Variants in SNRK observed in about 807,000 individuals in gnomAD.
SNRK encodes the protein SNF-related serine/threonine-protein kinase.
A neutral mutation model predicts 48.2 loss-of-function variants in SNRK; 3 were observed. That is an observed-to-expected ratio of 0.06 (90% CI 0.03 to 0.16). The LOEUF (loss-of-function observed/expected upper bound fraction) is 0.16. Ranked by LOEUF, SNRK falls within the 10% of genes least tolerant of loss-of-function variation. The pLI, the probability that SNRK is intolerant of heterozygous loss-of-function variation, is 1.00. For missense variants in SNRK, 627 were observed against 976.0 expected (o/e 0.64, Z 4.76); for synonymous variants, 376 against 366.1 (o/e 1.03, Z -0.31).
At chr3:43,297,590 T>TC (rs962280123) in intron 1 of SNRK, among the ~76,000 whole-genome samples, 5 of 151,888 alleles carry the variant, frequency 3.3e-5, no homozygotes, top group African/African-American at 7.3e-5. Flanking sequence ...TCAAAATTCC[T>TC]CCCCCCCTTT....
At chr3:43,299,698 A>G (rs2090884494) in intron 1 of SNRK, 56 bp from the exon 2 acceptor site, 1 of 152,674 alleles carries the variant, frequency 6.5e-6, no homozygotes, top group Non-Finnish European at 1.5e-5. Context: ...TTTGACTTTA[A>G]GCAAAATTCA....
intron 3 of SNRK, among the ~76,000 whole-genome samples, chr3:43,325,311 G>A (rs1294056835): frequency 6.6e-6 from 1 of 152,106 alleles, no homozygotes; most frequent in African/African-American, 2.4e-5. Flanking sequence ...GATTATAGGT[G>A]CCCGCCACCG....
At chr3:43,329,369 C>T (rs924788576) in intron 3 of SNRK, among the ~76,000 whole-genome samples, 4 of 151,364 alleles carry the variant, frequency 2.6e-5, no homozygotes, top group African/African-American at 9.7e-5. Flanking sequence ...ACCTGGGAGG[C>T]AGAGCTTACA....
intron 4 of SNRK, among the ~76,000 whole-genome samples, chr3:43,336,208 TTCCC>T (rs1245820366): frequency 6.6e-6 from 1 of 151,362 alleles, no homozygotes; most frequent in African/African-American, 2.4e-5. Flanking sequence ...TCTTTCTTTC[TTCCC>T]TCCCTCCCTT....
intron 3 of SNRK, among the ~76,000 whole-genome samples, chr3:43,328,250 A>C (rs2091110760): frequency 6.6e-6 from 1 of 151,244 alleles, no homozygotes; most frequent in Non-Finnish European, 1.5e-5. Flanking sequence ...CAGTCTTAGG[A>C]TCTCAAGCTG....
At chr3:43,345,616 G>A (rs1196882170) in intron 6 of SNRK, among the ~76,000 whole-genome samples, 2 of 152,158 alleles carry the variant, frequency 1.3e-5, no homozygotes, top group African/African-American at 4.8e-5. Flanking sequence ...GGAGTCCAGG[G>A]GCAGGGTCCT....
rs181222701 is a variant in SNRK, at chr3:43,321,661, G to A, written c.590-10508G>A. ...CAAGTGCCCTGACTGATAGCAGCAAGATGAGAAAGAATCATGAAATCATCA... is the reference window on the plus strand; with the variant it reads ...CAAGTGCCCTGACTGATAGCAGCAAAATGAGAAAGAATCATGAAATCATCA... On this transcript the variant is annotated intron_variant, in intron 3 of 6. Coordinates refer to ENST00000296088, the MANE Select transcript of SNRK (RefSeq NM_017719.5). Among the ~76,000 whole-genome samples the A allele has an allele frequency of 6.6e-5, 10 of 152,326 alleles. No individual in the cohort carries two copies. The East Asian group carries it at 1.9e-3, about 29-fold the overall frequency.
At chr3:43,344,708 G>A (rs2091262252) in intron 6 of SNRK, among the ~76,000 whole-genome samples, 8 of 151,946 alleles carry the variant, frequency 5.3e-5, no homozygotes. Flanking sequence ...CTTAGAAGAG[G>A]ACTGAACCCA....
intron 3 of SNRK, among the ~76,000 whole-genome samples, chr3:43,323,884 T>C (rs1044442429): frequency 4.6e-5 from 7 of 152,060 alleles, no homozygotes; most frequent in African/African-American, 1.7e-4. Context: ...TAGGCAAAAC[T>C]TGCAAGGACA....
chr3:43,307,994 A>T (rs1327688298), intron 3 of SNRK, among the ~76,000 whole-genome samples: 1 of 152,240 alleles, frequency 6.6e-6, no homozygotes, highest in Non-Finnish European at 1.5e-5. Flanking sequence ...AGAAAGTGAA[A>T]CAGCCTTATT....
In SNRK at chr3:43,286,548, G is replaced by C. The variant is rs1466996083; in HGVS notation, c.-296G>C. ...GCAGCCCGCGCAGGCGCAGCTACCC[G>C]GCACCCCCTCCCCGCGGCCGGCAGC... On this transcript the variant is annotated 5_prime_UTR_variant, in exon 1 of 7. Transcript: ENST00000296088. 6.6e-6 allele frequency: 1 copy of C among 151,206 alleles called. No individual in the cohort carries two copies. Among genetic ancestry groups the C allele is most frequent in the Non-Finnish European group, 1.5e-5 (1 of 67,774 alleles). 9.4% of individuals were successfully genotyped at this position (151,206 alleles called of 1,614,324 possible).
rs147555323 is a variant in SNRK, at chr3:43,349,425, C to T, written c.*868C>T. 703 of 152,586 alleles carry T rather than the reference C, an allele frequency of 4.6e-3. 4 individuals carry two copies. Among genetic ancestry groups the T allele is most frequent in the African/African-American group, 0.016 (676 of 41,566 alleles). 9.5% of individuals were successfully genotyped at this position (152,586 alleles called of 1,614,324 possible). On this transcript the variant is annotated 3_prime_UTR_variant, in exon 7 of 7. Transcript: ENST00000296088. ...CCATGTAGATAGAAGAACTATAGGG[C>T]CTAGTACAGAAGGTGCACACAAATG... is the stretch of plus-strand genomic sequence containing the variant.
At chr3:43,345,624 C>T (rs79891862) in intron 6 of SNRK, among the ~76,000 whole-genome samples, 2 of 152,198 alleles carry the variant, frequency 1.3e-5, no homozygotes, top group East Asian at 3.9e-4. Context: ...GGGGCAGGGT[C>T]CTAGACCTGG....
intron 1 of SNRK, among the ~76,000 whole-genome samples, chr3:43,296,448 T>TATA (rs1168952840): frequency 1.1e-5 from 1 of 87,848 alleles, no homozygotes; most frequent in African/African-American, 4.5e-5. Flanking sequence ...ATATATATAT[T>TATA]TAAGCATTTA....
intron 3 of SNRK, among the ~76,000 whole-genome samples, chr3:43,304,891 A>T (rs2090925306): frequency 6.6e-6 from 1 of 152,134 alleles, no homozygotes; most frequent in South Asian, 2.1e-4. Context: ...ACTACAGATA[A>T]CTAGACTTCA....
chr3:43,341,088 G>T (rs779262684), intron 5 of SNRK, among the ~76,000 whole-genome samples: 1 of 152,120 alleles, frequency 6.6e-6, no homozygotes, highest in African/African-American at 2.4e-5. Context: ...CAGCCACCTG[G>T]AGCCTGCAAG....
At chr3:43,294,819 A>G (rs1243738645) in intron 1 of SNRK, among the ~76,000 whole-genome samples, 1 of 151,902 alleles carries the variant, frequency 6.6e-6, no homozygotes, top group Non-Finnish European at 1.5e-5. Context: ...GATGGTAGGG[A>G]GTTAAAGTGA....
chr3:43,327,146 C>G (rs752730951), intron 3 of SNRK, among the ~76,000 whole-genome samples: 8 of 152,146 alleles, frequency 5.3e-5, no homozygotes, highest in Non-Finnish European at 1.2e-4. Context: ...AACCAAAGCT[C>G]TACATGATTT....
Position 43,346,205 on chromosome 3 carries a change from T to G in SNRK, c.1080-1134T>G, listed in dbSNP as rs573603890. Among the ~76,000 whole-genome samples, 9 of 152,316 alleles carry G rather than the reference T, an allele frequency of 5.9e-5. No individual in the cohort carries two copies. In the South Asian group the frequency reaches 1.0e-3, roughly 18 times the overall value. Reference sequence around the variant, plus strand: ...TATGACCACTTCAGAGAATACTGCTTCTTAGCTTCAAATTTAAATTTTTTT... The same window carrying G: ...TATGACCACTTCAGAGAATACTGCTGCTTAGCTTCAAATTTAAATTTTTTT... On this transcript the variant is annotated intron_variant, in intron 6 of 6. Transcript: ENST00000296088.
Sources: allele counts gnomAD v4.1 joint callset (sites outside exome capture counted in the v4.1 genomes callset), GRCh38; gene constraint gnomAD v4.1.1; transcripts MANE v1.5; gene names NCBI Gene and HGNC (gene_info 2026-07-23, HGNC 2026-07-21).